The following DNAH14 variants were observed in gnomAD, a reference collection of about 807,000 sequenced individuals.
DNAH14 encodes dynein axonemal heavy chain 14, also known as axonemal beta dynein heavy chain 14.
A neutral mutation model predicts 520.9 loss-of-function variants in DNAH14; 478 were observed. The observed-to-expected ratio is 0.92, with a 90% CI of 0.85 to 0.99. The LOEUF (loss-of-function observed/expected upper bound fraction) is 0.99, where lower values mean the gene tolerates loss of function less well. DNAH14 is among the 50% of genes least tolerant of loss of function. The pLI is 0.00. For missense variants in DNAH14, 4,831 were observed against 5,234.5 expected (o/e 0.92, Z 2.38); for synonymous variants, 1,581 against 1,757.2 (o/e 0.90, Z 2.51).
At chr1:225,068,378 G>C (rs187018645) in intron 17 of DNAH14, among the ~76,000 whole-genome samples, 285 of 147,822 alleles carry the variant, frequency 1.9e-3, no homozygotes, top group Non-Finnish European at 1.6e-3. Context: ...AAGATGGGTA[G>C]TGTGATGCCT....
intron 48 of DNAH14, among the ~76,000 whole-genome samples, 166 bp downstream of exon 48, chr1:225,265,535 T>G (rs1203119177): frequency 6.6e-6 from 1 of 152,162 alleles, no homozygotes; most frequent in African/African-American, 2.4e-5. Flanking sequence ...TCAATATTAT[T>G]TTATTTCCAA....
At chr1:225,135,486 A>G (rs2078870157) in intron 27 of DNAH14, among the ~76,000 whole-genome samples, 1 of 152,112 alleles carries the variant, frequency 6.6e-6, no homozygotes, top group East Asian at 1.9e-4. Context: ...CTTAATCTTG[A>G]GTTCTAATTT....
chr1:224,943,442 C>A (rs1042390588), intron 1 of DNAH14, among the ~76,000 whole-genome samples: 1 of 152,204 alleles, frequency 6.6e-6, no homozygotes, highest in South Asian at 2.1e-4. Flanking sequence ...TTTCAAAAAA[C>A]CAGCTCCTGG....
chr1:224,930,448 T>C lies in DNAH14; in HGVS notation c.-34+613T>C, dbSNP rs984476865. ...ATGGAGCTGAAAAATTCCTGTCGCC[T>C]AGTGATGTCATAGTCAAGGCATTAT... On this transcript the variant is annotated intron_variant, in intron 1 of 85. Coordinates refer to ENST00000682510, the MANE Select transcript of DNAH14 (RefSeq NM_001367479.1). 4.6e-5 allele frequency among the ~76,000 whole-genome samples: 7 copies of C among 152,302 alleles called. No homozygotes were observed. The South Asian group carries it at 1.2e-3, about 27-fold the overall frequency.
At chr1:225,129,330 A>T (rs1381058366) in intron 27 of DNAH14, among the ~76,000 whole-genome samples, 1 of 152,120 alleles carries the variant, frequency 6.6e-6, no homozygotes, top group African/African-American at 2.4e-5. Flanking sequence ...TAAAGTTCTT[A>T]TGGAACCAAA....
chr1:225,374,217 C>T (rs1215188668), intron 77 of DNAH14, among the ~76,000 whole-genome samples: 1 of 43,230 alleles, frequency 2.3e-5, no homozygotes, highest in Non-Finnish European at 4.7e-5. Flanking sequence ...TCTAGTAAGA[C>T]AAATGAAATA....
chr1:225,075,642 T>C (rs545444355), intron 17 of DNAH14, among the ~76,000 whole-genome samples: 16 of 152,264 alleles, frequency 1.1e-4, no homozygotes, highest in East Asian at 9.7e-4. Context: ...GGTGTTGTTA[T>C]TGAGTCCAGG....
intron 17 of DNAH14, among the ~76,000 whole-genome samples, chr1:225,066,466 GTCT>G (rs2070893419): frequency 1.3e-5 from 2 of 151,800 alleles, no homozygotes; most frequent in South Asian, 4.2e-4. Context: ...ACAGTTTTCA[GTCT>G]TCATTTTTAA....
intron 54 of DNAH14, among the ~76,000 whole-genome samples, chr1:225,284,946 C>T (rs1356554052): frequency 5.3e-5 from 8 of 151,880 alleles, no homozygotes; most frequent in Admixed American, 5.2e-4. Context: ...TTTTTTTTTA[C>T]TCTCAGCAAA....
intron 11 of DNAH14, 95 bp downstream of exon 11, chr1:225,023,960 T>G: frequency 7.0e-7 from 1 of 1,438,816 alleles, no homozygotes; most frequent in Non-Finnish European, 9.1e-7. Context: ...TAAGCTAGAG[T>G]TTGAAAATTC....
chr1:225,067,487 T>C (rs2071031503), intron 17 of DNAH14, among the ~76,000 whole-genome samples: 2 of 152,194 alleles, frequency 1.3e-5, no homozygotes, highest in Admixed American at 6.5e-5. Flanking sequence ...TACCCAGTAA[T>C]GGCATTGCTG....
rs1348368044 is a variant in DNAH14, at chr1:225,035,286, A to G, written c.1359-3408A>G. Among the ~76,000 whole-genome samples, 3 of 93,014 alleles carry G rather than the reference A, an allele frequency of 3.2e-5. No individual in the cohort carries two copies. The East Asian group carries it at 8.6e-4, about 27-fold the overall frequency. 61.0% of individuals were successfully genotyped at this position (93,014 alleles called of 152,430 possible). A position where few individuals can be genotyped will look rare whatever the true frequency, so the allele number is the denominator to read the frequency against. On this transcript the variant is annotated intron_variant, in intron 11 of 85. Coordinates refer to ENST00000682510, the MANE Select transcript of DNAH14 (RefSeq NM_001367479.1). Reference sequence around the variant, plus strand: ...TCCTTTTTAATCTCTGATTTTATTTATTTGGGTGTTTGCTCTCTCTGTTTT... The same window carrying G: ...TCCTTTTTAATCTCTGATTTTATTTGTTTGGGTGTTTGCTCTCTCTGTTTT...
intron 60 of DNAH14, among the ~76,000 whole-genome samples, chr1:225,314,257 C>T (rs983831854): frequency 1.3e-5 from 2 of 152,146 alleles, no homozygotes; most frequent in African/African-American, 4.8e-5. Context: ...ACGAGGATTG[C>T]AATCGCTGCT....
Position 225,324,737 on chromosome 1 carries a change from G to C in DNAH14, c.9628G>C (p.Val3210Leu). Residue 3210 changes from valine to leucine, a missense_variant and splice_region_variant, in exon 64 of 86, where the codon GTT becomes CTT. Transcript: ENST00000682510. ...ALNNYHEVQK[V>L]VGPKQIQVAE... Reference sequence around the variant, plus strand: ...TAAATGTTCTGACATTCTCTTTAAGGTTGTGGGCCCTAAACAAATCCAAGT... The same window carrying C: ...TAAATGTTCTGACATTCTCTTTAAGCTTGTGGGCCCTAAACAAATCCAAGT... 6.4e-7 allele frequency: 1 copy of C among 1,551,022 alleles called. No individual in the cohort carries two copies.
chr1:225,055,901 T>C (rs2069025451), intron 17 of DNAH14, among the ~76,000 whole-genome samples: 1 of 152,186 alleles, frequency 6.6e-6, no homozygotes, highest in Admixed American at 6.5e-5. Flanking sequence ...TTCCATGGTA[T>C]ATATGTGCCA....
chr1:225,298,459 C>T (rs1247886321), intron 55 of DNAH14, among the ~76,000 whole-genome samples: 1 of 152,188 alleles, frequency 6.6e-6, no homozygotes, highest in Non-Finnish European at 1.5e-5. Flanking sequence ...AGATTATTCC[C>T]CTGACTAAAA....
chr1:225,036,825 A>T (rs1034331497), intron 11 of DNAH14, among the ~76,000 whole-genome samples: 4 of 152,156 alleles, frequency 2.6e-5, no homozygotes, highest in African/African-American at 9.7e-5. Context: ...GGGAGCTGGA[A>T]CTTAAAGTGG....
chr1:224,960,122 G>A lies in DNAH14; in HGVS notation c.218-31G>A, dbSNP rs748925745. ...ATGGTATTATTTACAGCTCACACTA[G>A]TTATTCAGTTAATAATGGTTTTATT... is the stretch of plus-strand genomic sequence containing the variant. On this transcript the variant is annotated intron_variant, in intron 3 of 85. Transcript: ENST00000682510. 1.8e-5 allele frequency: 28 copies of A among 1,533,748 alleles called. 1 individual carries two copies.
Position 225,144,617 on chromosome 1 carries a change from G to T in DNAH14, c.4729G>T (p.Asp1577Tyr). 1 of 1,549,772 alleles carries T rather than the reference G, an allele frequency of 6.5e-7. No individual in the cohort carries two copies. Among genetic ancestry groups the T allele is most frequent in the African/African-American group, 1.4e-5 (1 of 73,114 alleles). The change falls in exon 29 of 86, where the codon GAT becomes TAT. Residue 1577 changes from aspartate (D) to tyrosine (Y), a missense_variant. Physicochemically the swap from Asp to Tyr is radical, Grantham distance 160. Transcript: ENST00000682510. ...AGTGKTETVK[D>Y]LAKSLGKHCV... ...TACAGGAAAAACTGAGACTGTCAAAGATCTAGCAAAAGTAAGTGGTTTCTG... is the reference window on the plus strand; with the variant it reads ...TACAGGAAAAACTGAGACTGTCAAATATCTAGCAAAAGTAAGTGGTTTCTG...
Sources: allele counts gnomAD v4.1 joint callset (sites outside exome capture counted in the v4.1 genomes callset), GRCh38; gene constraint gnomAD v4.1.1; transcripts MANE v1.5; gene names NCBI Gene and HGNC (gene_info 2026-07-23, HGNC 2026-07-21).